WDR3: variants seen among roughly 807,000 people sequenced by gnomAD.
WDR3 encodes the protein WD repeat domain 3.
In WDR3, 81 loss-of-function variants were observed where a neutral mutation model predicts 123.7. The observed-to-expected ratio is 0.65, with a 90% CI of 0.55 to 0.79. The LOEUF is 0.79. Among genes scored for constraint, WDR3 ranks in the 30% least tolerant of loss-of-function variants. The pLI is 0.00. For missense variants in WDR3, 1,027 were observed against 1,123.2 expected (o/e 0.91, Z 1.22); for synonymous variants, 390 against 388.8 (o/e 1.00, Z -0.04).
At position 117,936,810 on chromosome 1, in the gene WDR3, T is replaced by C. The variant is rs1340613347; in HGVS notation, c.423T>C (p.Gly141=). 5.6e-6 allele frequency: 9 copies of C among 1,613,236 alleles called. No individual in the cohort carries two copies. Among genetic ancestry groups the C allele is most frequent in the Non-Finnish European group, 5.9e-6 (7 of 1,179,456 alleles). Residue 141 remains glycine (G), a synonymous_variant, in exon 4 of 27, where the codon GGT becomes GGC. Coordinates refer to ENST00000349139, the MANE Select transcript of WDR3 (RefSeq NM_006784.3). The part of the protein sequence containing the change: ...IIVWDVINES[G]LYRLKGHKDA... ...TATGGGATGTGATCAATGAAAGTGG[T>C]CTGTACCGTCTAAAGGGGCACAAGG... is the stretch of plus-strand genomic sequence containing the variant.
In WDR3 at chr1:117,949,839, G is replaced by A. The variant is rs757427809; in HGVS notation, c.1610+3G>A. 1.9e-6 allele frequency: 3 copies of A among 1,613,634 alleles called. No individual in the cohort carries two copies. Among genetic ancestry groups the A allele is most frequent in the South Asian group, 1.1e-5 (1 of 91,010 alleles). The stretch of plus-strand genomic sequence containing the variant: ...GATGAAAATAGTACCCAAAAGAGGT[G>A]AGTAGACATTTTTTGTGTCCATTTT... On this transcript the variant is annotated splice_donor_region_variant and intron_variant, in intron 14 of 26. Coordinates refer to ENST00000349139, the MANE Select transcript of WDR3 (RefSeq NM_006784.3).
At position 117,954,632 on chromosome 1, in the gene WDR3, G is replaced by A. The variant is rs2101243435; in HGVS notation, c.2409+5G>A. The A allele has an allele frequency of 3.1e-6, 5 of 1,611,550 alleles. No individual in the cohort carries two copies. Among genetic ancestry groups the A allele is most frequent in the Non-Finnish European group, 4.2e-6 (5 of 1,178,694 alleles). ...ATGGCTTATGGCAGTATCTCAGTGAGTAAAATGTCTAACGGTTTTCCTTTG... is the reference window on the plus strand; with the variant it reads ...ATGGCTTATGGCAGTATCTCAGTGAATAAAATGTCTAACGGTTTTCCTTTG... On this transcript the variant is annotated splice_donor_5th_base_variant and intron_variant, in intron 23 of 26. Transcript: ENST00000349139.
chr1:117,953,723 T>C (rs1651762591), intron 21 of WDR3, 182 bp downstream of exon 21: 3 of 636,850 alleles, frequency 4.7e-6, no homozygotes, highest in African/African-American at 1.8e-5. Context: ...CTGAATCTCT[T>C]TGATCAATAT....
chr1:117,938,070 A>G (rs1479583132), intron 4 of WDR3, among the ~76,000 whole-genome samples: 1 of 152,188 alleles, frequency 6.6e-6, no homozygotes, highest in Admixed American at 6.5e-5. Context: ...ATACTTAGAA[A>G]CTTCACAGAG....
At chr1:117,937,891 G>C (rs374382010) in intron 4 of WDR3, among the ~76,000 whole-genome samples, 1 of 152,248 alleles carries the variant, frequency 6.6e-6, no homozygotes, top group South Asian at 2.1e-4. Context: ...ATTCTACAGG[G>C]AACATTGAGC....
At chr1:117,945,518 G>T (rs58403486) in intron 11 of WDR3, among the ~76,000 whole-genome samples, 6,667 of 151,978 alleles carry the variant, frequency 0.044, 307 homozygotes, top group South Asian at 0.12. Flanking sequence ...GCATTATGTT[G>T]CTCTATAGCA....
chr1:117,936,581 G>A (rs1362796030), intron 3 of WDR3, among the ~76,000 whole-genome samples, 188 bp from the exon 4 acceptor site: 1 of 152,132 alleles, frequency 6.6e-6, no homozygotes, highest in Non-Finnish European at 1.5e-5. Flanking sequence ...CAATAACAAT[G>A]TCTGGGGATT....
At position 117,940,809 on chromosome 1, in the gene WDR3, C is replaced by G. The variant is rs1284236597; in HGVS notation, c.676-18C>G. The G allele has an allele frequency of 6.3e-7, 1 of 1,584,094 alleles. No homozygotes were observed. Among genetic ancestry groups the G allele is most frequent in the South Asian group, 1.1e-5 (1 of 87,066 alleles). On this transcript the variant is annotated intron_variant, in intron 6 of 26. Transcript: ENST00000349139. ...AACATACTATTTCAGCTTTTATTTT[C>G]TCATTTTTATAAAACAGATTGAAGA... is the stretch of plus-strand genomic sequence containing the variant.
In WDR3 at chr1:117,950,858, A is replaced by G; in HGVS notation, c.1771A>G (p.Lys591Glu). Residue 591 changes from lysine (K) to glutamate (E), a missense_variant, in exon 16 of 27, where the codon AAA (lysine) becomes GAA (glutamate). Lys to Glu is a moderately conservative substitution (Grantham distance 56). Coordinates refer to ENST00000349139, the MANE Select transcript of WDR3 (RefSeq NM_006784.3). Reference sequence around the variant, plus strand: ...GTTTTTTCTGTCACTGTATGGACACAAACTGCCTGTTATATGCATGGACAT... The same window carrying G: ...GTTTTTTCTGTCACTGTATGGACACGAACTGCCTGTTATATGCATGGACAT... Reference protein sequence around the residue: ...LKFFLSLYGHKLPVICMDISH... With the variant: ...LKFFLSLYGHELPVICMDISH... 2 of 1,609,612 alleles carry G rather than the reference A, an allele frequency of 1.2e-6. No individual in the cohort carries two copies. Among genetic ancestry groups the G allele is most frequent in the Non-Finnish European group, 1.7e-6 (2 of 1,178,772 alleles).
At chr1:117,956,665 C>T (rs775652647) in intron 24 of WDR3, among the ~76,000 whole-genome samples, 2 of 146,436 alleles carry the variant, frequency 1.4e-5, no homozygotes, top group Non-Finnish European at 3.0e-5. Context: ...TAAAAGGCTA[C>T]AAAATTAGCA....
In WDR3 at chr1:117,940,916, T is replaced by G; in HGVS notation, c.765T>G (p.Phe255Leu). 2 of 1,613,232 alleles carry G rather than the reference T, an allele frequency of 1.2e-6. No individual in the cohort carries two copies. The highest frequency in any genetic ancestry group is 1.7e-6 in the Non-Finnish European group (2 of 1,179,822). Residue 255 changes from phenylalanine (F) to leucine (L), a missense_variant, in exon 7 of 27, where the codon TTT (phenylalanine) becomes TTG (leucine). By Grantham distance (22) the Phe-to-Leu change is conservative. Coordinates refer to ENST00000349139, the MANE Select transcript of WDR3 (RefSeq NM_006784.3). Reference sequence around the variant, plus strand: ...CTCTTGAGGCAGAGGATGGTGCCTTTGAGACGGATGAAGCCCCTGAGGATG... The same window carrying G: ...CTCTTGAGGCAGAGGATGGTGCCTTGGAGACGGATGAAGCCCCTGAGGATG... Reference protein sequence around the residue: ...QDTLEAEDGAFETDEAPEDRI... With the variant: ...QDTLEAEDGALETDEAPEDRI...
Position 117,952,399 on chromosome 1 carries a change from G to C in WDR3, c.2007G>C (p.Gln669His). ...QWDADKFEHIQTLEGHHQEIW... is the reference protein window; with the variant it reads ...QWDADKFEHIHTLEGHHQEIW... ...ATGCAGACAAATTTGAACACATACA[G>C]ACTCTGGAGGTAACCACATGCCTTC... The change falls in exon 18 of 27, where the codon CAG becomes CAC. Residue 669 changes from glutamine to histidine, a missense_variant. Gln to His is a conservative substitution (Grantham distance 24, BLOSUM62 0). Transcript: ENST00000349139. 1 of 1,610,848 alleles carries C rather than the reference G, an allele frequency of 6.2e-7. No homozygotes were observed. Among genetic ancestry groups the C allele is most frequent in the Non-Finnish European group, 8.5e-7 (1 of 1,178,812 alleles).
intron 23 of WDR3, 96 bp downstream of exon 23, chr1:117,954,723 A>AT: frequency 4.0e-6 from 5 of 1,245,702 alleles, no homozygotes; most frequent in Non-Finnish European, 5.7e-6. Context: ...GGGATGGATT[A>AT]TTGGGAATAC....
chr1:117,950,828 G>A lies in WDR3; in HGVS notation c.1747-6G>A, dbSNP rs1218538465. On this transcript the variant is annotated splice_polypyrimidine_tract_variant and splice_region_variant and intron_variant, in intron 15 of 26. Coordinates refer to ENST00000349139, the MANE Select transcript of WDR3 (RefSeq NM_006784.3). ...CAGACATTAATTATGTTTTTTTGAT[G>A]TTTAGTTTTTTCTGTCACTGTATGG... 1 of 1,603,274 alleles carries A rather than the reference G, an allele frequency of 6.2e-7. No homozygotes were observed. The highest frequency in any genetic ancestry group is 8.5e-7 in the Non-Finnish European group (1 of 1,175,996).
At chr1:117,947,401 T>C (rs1280794036) in intron 12 of WDR3, among the ~76,000 whole-genome samples, 8 of 152,270 alleles carry the variant, frequency 5.3e-5, no homozygotes, top group Non-Finnish European at 1.5e-5. Flanking sequence ...TATTTCTTGC[T>C]TCAACAAAAA....
At position 117,941,830 on chromosome 1, in the gene WDR3, A is replaced by G; in HGVS notation, c.972A>G (p.Lys324=). ...AGAAAATGGATAAGAAGATGAAGAAAGCTAGAAAGAAAGCAAAGTATGTTT... is the reference window on the plus strand; with the variant it reads ...AGAAAATGGATAAGAAGATGAAGAAGGCTAGAAAGAAAGCAAAGTATGTTT... ...IQKKMDKKMK[K]ARKKAKLHSS... Residue 324 remains lysine, a synonymous_variant, in exon 9 of 27, where the codon AAA becomes AAG. Transcript: ENST00000349139. 4 of 1,609,996 alleles carry G rather than the reference A, an allele frequency of 2.5e-6. No individual in the cohort carries two copies. The highest frequency in any genetic ancestry group is 3.4e-6 in the Non-Finnish European group (4 of 1,179,024).
At position 117,959,405 on chromosome 1, in the gene WDR3, G is replaced by A; in HGVS notation, c.2790G>A (p.Arg930=). 6.2e-7 allele frequency: 1 copy of A among 1,612,454 alleles called. No homozygotes were observed. ...DATSHLEEKK[R]KRKKREKLIL... ...CTAGCCACTTGGAAGAGAAGAAGAG[G>A]AAGAGGAAAAAGAGGGAGAAGTTGA... The change falls in exon 27 of 27, where the codon AGG becomes AGA. Residue 930 remains arginine, a synonymous_variant. Transcript: ENST00000349139.
In WDR3 at chr1:117,951,041, A is replaced by T. The variant is rs1651590639; in HGVS notation, c.1803+151A>T. On this transcript the variant is annotated intron_variant, in intron 16 of 26. Coordinates refer to ENST00000349139, the MANE Select transcript of WDR3 (RefSeq NM_006784.3). ...TCCAAAAACAGTCTCAAATTAATAT[A>T]TATTGTATCTTATATATATTACTTT... 5.3e-6 allele frequency: 3 copies of T among 562,816 alleles called. No individual in the cohort carries two copies. In the South Asian group the frequency reaches 8.7e-5, roughly 16 times the overall value. 34.9% of individuals were successfully genotyped at this position (562,816 alleles called of 1,614,324 possible). A position where few individuals can be genotyped will look rare whatever the true frequency, so the allele number is the denominator to read the frequency against.
intron 12 of WDR3, among the ~76,000 whole-genome samples, chr1:117,948,184 A>C (rs1383501338): frequency 6.6e-6 from 1 of 152,256 alleles, no homozygotes; most frequent in Non-Finnish European, 1.5e-5. Context: ...ATACTTCTAC[A>C]CTATGGTAGC....
Sources: allele counts gnomAD v4.1 joint callset (sites outside exome capture counted in the v4.1 genomes callset), GRCh38; gene constraint gnomAD v4.1.1; transcripts MANE v1.5; gene names NCBI Gene and HGNC (gene_info 2026-07-23, HGNC 2026-07-21).